The following ATP7A variants were observed in gnomAD, a reference collection of about 807,000 sequenced individuals.
The protein encoded by ATP7A is copper-transporting ATPase 1.
ATP7A carries 7 observed loss-of-function variants against 83.5 expected under a neutral mutation model. The observed-to-expected ratio is 0.08, with a 90% CI of 0.05 to 0.16. The LOEUF is 0.16. ATP7A is among the 10% of genes least tolerant of loss of function. The probability of loss-of-function intolerance (pLI) is 1.00; values close to 1 mark genes in which losing one functional copy is unlikely to be tolerated. For synonymous variants in ATP7A, 354 were observed against 395.2 expected, an observed-to-expected ratio of 0.90 and a Z score of 1.24; for missense variants, 940 against 1,120.8, an observed-to-expected ratio of 0.84 and a Z score of 2.30.
Position 78,002,382 on chromosome X carries a change from G to A in ATP7A, c.1544-691G>A, listed in dbSNP as rs944573013. The stretch of plus-strand genomic sequence containing the variant: ...CAGGCATGAGCCGTCATGCCCAGCC[G>A]AGTCCCTTTCTCTAGTACTCTGTCT... On this transcript the variant is annotated intron_variant, in intron 5 of 22. Coordinates refer to ENST00000341514, the MANE Select transcript of ATP7A (RefSeq NM_000052.7). 9.2e-6 allele frequency among the ~76,000 whole-genome samples: 1 copy of A among 109,278 alleles called. No homozygotes were observed. The highest frequency in any genetic ancestry group is 3.3e-5 in the African/African-American group (1 of 30,020). The allele number at this position is 109,278 out of a possible 115,157, so 94.9% of individuals were successfully genotyped here.
At chrX:78,043,550 G>A in intron 21 of ATP7A, 116 bp downstream of exon 21, 1 of 565,494 alleles carries the variant, frequency 1.8e-6, no homozygotes, top group Admixed American at 2.4e-5. Flanking sequence ...GTAGCCTACT[G>A]GTATGGTGAG....
rs2149083198 is a variant in ATP7A at position 77,989,567 on chromosome X, G to A, written c.945G>A (p.Arg315=). ...GCATAGTAGTTTCTTTAGAGAATAG[G>A]TCTGCCATTGTGAAGTATAATGCAA... ...VSSIVVSLEN[R]SAIVKYNASS... is the part of the protein sequence containing the mutation. Residue 315 remains arginine (R), a synonymous_variant, in exon 4 of 23, where the codon AGG becomes AGA. Coordinates refer to ENST00000341514, the MANE Select transcript of ATP7A (RefSeq NM_000052.7). 2.5e-6 allele frequency: 3 copies of A among 1,211,357 alleles called. No homozygotes were observed. The highest frequency in any genetic ancestry group is 3.4e-6 in the Non-Finnish European group (3 of 895,343).
In ATP7A at chrX:78,042,737, T is replaced by C. The variant is rs1557238599; in HGVS notation, c.3954T>C (p.Ile1318=). Reference sequence around the variant, plus strand: ...CAATGGCTAATGTGGGAATTGCTATTGGCACAGGCACAGATGTAGCCATTG... The same window carrying C: ...CAATGGCTAATGTGGGAATTGCTATCGGCACAGGCACAGATGTAGCCATTG... ...ALAMANVGIA[I]GTGTDVAIEA... is the part of the protein sequence containing the mutation. The change falls in exon 20 of 23, where the codon ATT becomes ATC. Residue 1318 remains isoleucine (I), a synonymous_variant. Coordinates refer to ENST00000341514, the MANE Select transcript of ATP7A (RefSeq NM_000052.7). The C allele has an allele frequency of 8.3e-7, 1 of 1,211,743 alleles. No individual in the cohort carries two copies. The highest frequency in any genetic ancestry group is 1.1e-6 in the Non-Finnish European group (1 of 895,597).
chrX:77,944,971 C>T (rs782550227), intron 1 of ATP7A, among the ~76,000 whole-genome samples: 79 of 110,053 alleles, frequency 7.2e-4, no homozygotes, highest in Non-Finnish European at 1.1e-4. Context: ...TTGCCTCTGC[C>T]TCCCAAGTAG....
At position 78,011,483 on chromosome X, in the gene ATP7A, T is replaced by G. The variant is rs782106364; in HGVS notation, c.1981T>G (p.Cys661Gly). 8.3e-7 allele frequency: 1 copy of G among 1,211,011 alleles called. No individual in the cohort carries two copies. Among genetic ancestry groups the G allele is most frequent in the South Asian group, 1.8e-5 (1 of 56,937 alleles). Residue 661 changes from cysteine to glycine, a missense_variant, in exon 9 of 23, where the codon TGT (cysteine) becomes GGT (glycine). By Grantham distance (159) the Cys-to-Gly change is radical (BLOSUM62 -3). Coordinates refer to ENST00000341514, the MANE Select transcript of ATP7A (RefSeq NM_000052.7). Reference sequence around the variant, plus strand: ...GTCTTTTCTTGTGAGTCTGTTTTTCTGTATTCCTGTAATGGGGCTGATGAT... The same window carrying G: ...GTCTTTTCTTGTGAGTCTGTTTTTCGGTATTCCTGTAATGGGGCTGATGAT... ...RRSFLVSLFF[C>G]IPVMGLMIYM... is the part of the protein sequence containing the mutation.
At chrX:77,962,052 G>T (rs1235329588) in intron 1 of ATP7A, among the ~76,000 whole-genome samples, 3 of 111,918 alleles carry the variant, frequency 2.7e-5, no homozygotes, top group Non-Finnish European at 5.6e-5. Flanking sequence ...TGCAATGTGT[G>T]AACCTTGTGA....
chrX:78,001,717 C>T (rs1189185953), intron 5 of ATP7A, among the ~76,000 whole-genome samples: 1 of 110,923 alleles, frequency 9.0e-6, no homozygotes, highest in Non-Finnish European at 1.9e-5. Flanking sequence ...GTCAGGTAGC[C>T]ATCAAATGCC....
At chrX:77,911,107 T>C (rs1422650183) in intron 1 of ATP7A, among the ~76,000 whole-genome samples, 1 of 112,594 alleles carries the variant, frequency 8.9e-6, no homozygotes, top group Non-Finnish European at 1.9e-5. Flanking sequence ...ACCCAATTAA[T>C]TGAGGGTACA....
rs372437313 is a variant in ATP7A at position 77,948,834 on chromosome X, AT to A, written c.-21-22780del. Among the ~76,000 whole-genome samples, 954 of 111,566 alleles carry A rather than the reference AT, an allele frequency of 8.6e-3. 10 individuals are homozygous for A. The highest frequency in any genetic ancestry group is 0.029 in the African/African-American group (879 of 30,756). On this transcript the variant is annotated intron_variant, in intron 1 of 22. Coordinates refer to ENST00000341514, the MANE Select transcript of ATP7A (RefSeq NM_000052.7). Reference sequence around the variant, plus strand: ...AAAATTATGTAAATATAGCCTAGTCATTTTTTTAAACCTAAAACATGTTCAT... The same window carrying A: ...AAAATTATGTAAATATAGCCTAGTCATTTTTTAAACCTAAAACATGTTCAT...
At chrX:77,945,156 C>T (rs945462562) in intron 1 of ATP7A, among the ~76,000 whole-genome samples, 12 of 109,215 alleles carry the variant, frequency 1.1e-4, no homozygotes, top group Admixed American at 6.9e-4. Flanking sequence ...CACGCCTGGC[C>T]GAGGATGTTA....
chrX:77,999,035 CG>C (rs2056747577), intron 5 of ATP7A, among the ~76,000 whole-genome samples: 1 of 104,689 alleles, frequency 9.6e-6, no homozygotes, highest in African/African-American at 3.5e-5. Flanking sequence ...CTTGCTCTGT[CG>C]CCCAGGCTGG....
At chrX:77,935,429 G>T (rs1557224977) in intron 1 of ATP7A, among the ~76,000 whole-genome samples, 1 of 111,560 alleles carries the variant, frequency 9.0e-6, no homozygotes, top group Non-Finnish European at 1.9e-5. Flanking sequence ...GATTTGAACA[G>T]AGGTAGCCTG....
Position 77,988,482 on chromosome X carries a change from C to G in ATP7A, c.361C>G (p.Gln121Glu). 8.3e-7 allele frequency: 1 copy of G among 1,211,527 alleles called. No individual in the cohort carries two copies. Among genetic ancestry groups the G allele is most frequent in the Non-Finnish European group, 1.1e-6 (1 of 895,448 alleles). ...TGTGACAGACATTAAAATTTACCCTCAGAAAAGAACTGTAGCAGTGACAAT... is the reference window on the plus strand; with the variant it reads ...TGTGACAGACATTAAAATTTACCCTGAGAAAAGAACTGTAGCAGTGACAAT... ...KGVTDIKIYP[Q>E]KRTVAVTIIP... The change falls in exon 3 of 23, where the codon CAG (glutamine) becomes GAG (glutamate). Residue 121 changes from glutamine (Q) to glutamate (E), a missense_variant. Gln to Glu is a conservative substitution (Grantham distance 29). Transcript: ENST00000341514.
At chrX:77,986,647 C>G (rs1557231396) in intron 2 of ATP7A, among the ~76,000 whole-genome samples, 1 of 111,901 alleles carries the variant, frequency 8.9e-6, no homozygotes, top group Non-Finnish European at 1.9e-5. Flanking sequence ...CTAGTCGTCT[C>G]CTTTATCCTA....
chrX:78,013,939 G>A (rs1241258413), intron 10 of ATP7A, among the ~76,000 whole-genome samples: 1 of 111,103 alleles, frequency 9.0e-6, no homozygotes. Context: ...TTTAGTTTGT[G>A]TTTCTTCCAT....
chrX:77,936,732 T>C (rs941603032), intron 1 of ATP7A, among the ~76,000 whole-genome samples: 19 of 112,720 alleles, frequency 1.7e-4, no homozygotes, highest in African/African-American at 6.1e-4. Context: ...ATACTGGACT[T>C]AATTAAAATG....
chrX:77,982,137 A>G (rs1274416005), intron 2 of ATP7A, among the ~76,000 whole-genome samples: 2 of 111,760 alleles, frequency 1.8e-5, no homozygotes, highest in Non-Finnish European at 3.8e-5. Flanking sequence ...TCAAAAATAT[A>G]TTATGGGTGG....
chrX:77,914,201 C>T (rs1354371506), intron 1 of ATP7A, among the ~76,000 whole-genome samples: 2 of 111,203 alleles, frequency 1.8e-5, no homozygotes, highest in Non-Finnish European at 3.8e-5. Flanking sequence ...GAACCACAGG[C>T]GCATGCCACC....
At chrX:77,938,631 T>A (rs1468132823) in intron 1 of ATP7A, among the ~76,000 whole-genome samples, 1 of 112,343 alleles carries the variant, frequency 8.9e-6, no homozygotes, top group Non-Finnish European at 1.9e-5. Flanking sequence ...GAGCTGAACC[T>A]TTTAATTCCT....
Sources: gnomAD v4.1 joint callset for allele counts (sites outside exome capture counted in the v4.1 genomes callset) on GRCh38, gnomAD v4.1.1 for gene constraint, MANE v1.5 for transcripts, NCBI Gene and HGNC (gene_info 2026-07-23, HGNC 2026-07-21) for gene names.